Variants in TLE1 observed in about 807,000 individuals in gnomAD.
TLE1 encodes the protein TLE family member 1, transcriptional corepressor.
TLE1 carries 21 observed loss-of-function variants against 89.8 expected under a neutral mutation model. The ratio of observed to expected loss-of-function variants is 0.23; its 90% CI spans 0.17 to 0.34. The LOEUF (loss-of-function observed/expected upper bound fraction) is 0.34, where lower values mean the gene tolerates loss of function less well. Ranked by LOEUF, TLE1 falls within the 10% of genes least tolerant of loss-of-function variation. The probability of loss-of-function intolerance (pLI) is 1.00; values close to 1 mark genes in which losing one functional copy is unlikely to be tolerated. For synonymous variants in TLE1, 447 were observed against 407.6 expected (o/e 1.10, Z -1.16); for missense variants, 795 against 1,031.2 (o/e 0.77, Z 3.14).
intron 6 of TLE1, among the ~76,000 whole-genome samples, chr9:81,636,982 G>A (rs1337011701): frequency 3.4e-5 from 5 of 146,118 alleles, no homozygotes; most frequent in African/African-American, 7.7e-5. Flanking sequence ...CAGCCTGGAC[G>A]ACAGAGGGAG....
intron 6 of TLE1, among the ~76,000 whole-genome samples, chr9:81,635,987 C>G (rs1827310846): frequency 6.6e-6 from 1 of 152,090 alleles, no homozygotes; most frequent in Non-Finnish European, 1.5e-5. Context: ...AGGGAGATTC[C>G]ATCTCTATTT....
chr9:81,642,089 C>CA (rs1828201931), intron 6 of TLE1, among the ~76,000 whole-genome samples: 1 of 97,146 alleles, frequency 1.0e-5, no homozygotes, highest in African/African-American at 3.9e-5. Flanking sequence ...AACAAAAAGA[C>CA]AAAGATAGTG....
At position 81,593,172 on chromosome 9, in the gene TLE1, G is replaced by A. The variant is rs1829777032; in HGVS notation, c.1434C>T (p.Ile478=). The A allele has an allele frequency of 6.2e-7, 1 of 1,614,200 alleles. No individual in the cohort carries two copies. Among genetic ancestry groups the A allele is most frequent in the Non-Finnish European group, 8.5e-7 (1 of 1,180,034 alleles). ...GPGIPRHARQ[I]NTLNHGEVVC... is the part of the protein sequence containing the mutation. ...CCACCTCCCCGTGGTTGAGGGTGTT[G>A]ATCTGGCGAGCATGCCGGGGGATTC... Residue 478 remains isoleucine (I), a synonymous_variant, in exon 15 of 20, where the codon ATC becomes ATT. Coordinates refer to ENST00000376499, the MANE Select transcript of TLE1 (RefSeq NM_005077.5).
intron 16 of TLE1, among the ~76,000 whole-genome samples, chr9:81,590,118 T>A (rs935413397): frequency 1.3e-5 from 2 of 152,244 alleles, no homozygotes; most frequent in African/African-American, 2.4e-5. Context: ...TTACCTTTCA[T>A]GTTTCATTCA....
intron 4 of TLE1, among the ~76,000 whole-genome samples, 172 bp from the exon 5 acceptor site, chr9:81,654,208 T>C (rs930360134): frequency 6.6e-6 from 1 of 152,188 alleles, no homozygotes; most frequent in African/African-American, 2.4e-5. Context: ...CAGTAGATAT[T>C]AATCCCACTT....
At chr9:81,638,195 T>A (rs1827651188) in intron 6 of TLE1, among the ~76,000 whole-genome samples, 1 of 152,136 alleles carries the variant, frequency 6.6e-6, no homozygotes, top group Admixed American at 6.6e-5. Context: ...GAGTACCATC[T>A]CCTGTCCCCC....
chr9:81,605,917 C>CA (rs1295030720), intron 14 of TLE1, among the ~76,000 whole-genome samples: 1 of 151,444 alleles, frequency 6.6e-6, no homozygotes, highest in East Asian at 1.9e-4. Context: ...AGAACTTAAA[C>CA]AAATTTACAA....
In TLE1 at chr9:81,584,087, A is replaced by C. The variant is rs913704371; in HGVS notation, c.*111T>G. ...AAAGTAGTTTTCTGTCAAGGTTTGG[A>C]AACAGGTGTTTGTAATTTTTTTTCT... On this transcript the variant is annotated 3_prime_UTR_variant, in exon 20 of 20. Transcript: ENST00000376499. 4.3e-6 allele frequency: 4 copies of C among 937,312 alleles called. No individual in the cohort carries two copies. In the South Asian group the frequency reaches 6.2e-5, roughly 14 times the overall value. 58.1% of individuals were successfully genotyped at this position (937,312 alleles called of 1,614,324 possible). A position where few individuals can be genotyped will look rare whatever the true frequency, so the allele number is the denominator to read the frequency against.
At chr9:81,657,111 A>G (rs779764721) in intron 4 of TLE1, among the ~76,000 whole-genome samples, 16 of 152,124 alleles carry the variant, frequency 1.1e-4, no homozygotes, top group Non-Finnish European at 2.2e-4. Context: ...ACATCTTTTC[A>G]TGTATTTATT....
intron 11 of TLE1, among the ~76,000 whole-genome samples, chr9:81,614,405 G>A (rs1312823081): frequency 3.3e-5 from 5 of 152,158 alleles, no homozygotes; most frequent in Non-Finnish European, 5.9e-5. Flanking sequence ...GTGCAGATCA[G>A]AGACTGAACA....
chr9:81,687,976 C>T (rs1047323700), intron 1 of TLE1, among the ~76,000 whole-genome samples: 8 of 152,090 alleles, frequency 5.3e-5, no homozygotes, highest in African/African-American at 1.9e-4. Flanking sequence ...CCCAGCCTTC[C>T]CCAGCGCCCC....
chr9:81,616,675 C>A lies in TLE1; in HGVS notation c.736G>T (p.Asp246Tyr). 6.2e-7 allele frequency: 1 copy of A among 1,614,114 alleles called. No individual in the cohort carries two copies. The highest frequency in any genetic ancestry group is 1.1e-5 in the South Asian group (1 of 91,080). The change falls in exon 10 of 20, where the codon GAC becomes TAC. Residue 246 changes from aspartate to tyrosine, a missense_variant. Physicochemically the swap from Asp to Tyr is radical, Grantham distance 160 (BLOSUM62 -3). Around this residue, in one of 4 missense-constraint regions of TLE1, gnomAD observed 468 missense variants for 509.1 expected, o/e 0.92. Transcript: ENST00000376499. ...HYDSDGDKSD[D>Y]NLVVDVSNED... ...TTAGACACATCCACAACTAAGTTGT[C>A]ATCGCTTTTGTCACCATCACTGTCC...
chr9:81,639,933 C>T (rs1262127065), intron 6 of TLE1, among the ~76,000 whole-genome samples: 1 of 152,054 alleles, frequency 6.6e-6, no homozygotes, highest in Non-Finnish European at 1.5e-5. Context: ...AGCAATATAG[C>T]TGGTTTCTCA....
chr9:81,584,158 T>C lies in TLE1; in HGVS notation c.*40A>G, dbSNP rs1480039112. ...CTATTTCTATAAATTCGAAACATTT[T>C]GGCCCAATTCAACTATAAACGTTAA... On this transcript the variant is annotated 3_prime_UTR_variant, in exon 20 of 20. Transcript: ENST00000376499. 2.0e-6 allele frequency: 3 copies of C among 1,528,632 alleles called. No individual in the cohort carries two copies. The highest frequency in any genetic ancestry group is 1.7e-5 in the Admixed American group (1 of 58,984). The allele number at this position is 1,528,632 out of a possible 1,614,324, so 94.7% of individuals were successfully genotyped here. A position where few individuals can be genotyped will look rare whatever the true frequency, so the allele number is the denominator to read the frequency against.
chr9:81,648,244 G>T lies in TLE1; in HGVS notation c.372+3970C>A, dbSNP rs563143048. Reference sequence around the variant, plus strand: ...GCCGAGATCACACCACTGCACTCCAGCCTGGGTTACAGAGTAACACTGTCT... The same window carrying T: ...GCCGAGATCACACCACTGCACTCCATCCTGGGTTACAGAGTAACACTGTCT... On this transcript the variant is annotated intron_variant, in intron 6 of 19. Coordinates refer to ENST00000376499, the MANE Select transcript of TLE1 (RefSeq NM_005077.5). Among the ~76,000 whole-genome samples, 3 of 144,542 alleles carry T rather than the reference G, an allele frequency of 2.1e-5. No individual in the cohort carries two copies. The South Asian group carries it at 6.7e-4, about 32-fold the overall frequency. 94.8% of individuals were successfully genotyped at this position (144,542 alleles called of 152,430 possible).
intron 4 of TLE1, among the ~76,000 whole-genome samples, chr9:81,680,268 A>T (rs990020157): frequency 2.0e-5 from 3 of 152,166 alleles, no homozygotes; most frequent in African/African-American, 4.8e-5. Flanking sequence ...CAACGGAACC[A>T]AGTCAGAGCC....
Position 81,591,003 on chromosome 9 carries a change from G to C in TLE1, c.1631C>G (p.Thr544Ser). 1 of 1,614,252 alleles carries C rather than the reference G, an allele frequency of 6.2e-7. No homozygotes were observed. Among genetic ancestry groups the C allele is most frequent in the Non-Finnish European group, 8.5e-7 (1 of 1,180,044 alleles). Reference sequence around the variant, plus strand: ...ACTGGCTTCCCCTCCCACTATGAGAGTGCAGCCATCGGGTAGCAATTTACA... The same window carrying C: ...ACTGGCTTCCCCTCCCACTATGAGACTGCAGCCATCGGGTAGCAATTTACA... ...RSCKLLPDGC[T>S]LIVGGEASTL... The change falls in exon 16 of 20, where the codon ACT becomes AGT. Residue 544 changes from threonine to serine, a missense_variant. Thr to Ser is a moderately conservative substitution (Grantham distance 58). Around this residue, in one of 4 missense-constraint regions of TLE1, gnomAD observed 214 missense variants for 354.9 expected, o/e 0.60. Coordinates refer to ENST00000376499, the MANE Select transcript of TLE1 (RefSeq NM_005077.5).
intron 5 of TLE1, among the ~76,000 whole-genome samples, chr9:81,652,523 G>A (rs1167862153): frequency 2.0e-5 from 3 of 152,012 alleles, no homozygotes; most frequent in South Asian, 2.1e-4. Flanking sequence ...TGTAAATTTC[G>A]GCTTGGAATG....
chr9:81,593,485 A>G (rs557965027), intron 14 of TLE1, among the ~76,000 whole-genome samples: 2 of 152,312 alleles, frequency 1.3e-5, no homozygotes, highest in East Asian at 3.9e-4. Context: ...ACCAAATGAC[A>G]TATATATTGA....
Sources: allele counts gnomAD v4.1 joint callset (sites outside exome capture counted in the v4.1 genomes callset), GRCh38; gene constraint gnomAD v4.1.1; regional missense constraint gnomAD v4.1.1; transcripts MANE v1.5; gene names NCBI Gene and HGNC (gene_info 2026-07-23, HGNC 2026-07-21).